USB1: variants seen among roughly 807,000 people sequenced by gnomAD.
USB1 encodes U6 snRNA biogenesis phosphodiesterase 1, also known as U6 snRNA phosphodiesterase 1.
A neutral mutation model predicts 29.9 loss-of-function variants in USB1; 21 were observed. The observed-to-expected ratio is 0.70, with a 90% CI of 0.50 to 1.01. USB1 has a LOEUF of 1.01. USB1 is among the 50% of genes least tolerant of loss of function. The pLI is 0.00. For missense variants in USB1, 330 were observed against 347.1 expected, an observed-to-expected ratio of 0.95 and a Z score of 0.39; for synonymous variants, 143 against 134.9, an observed-to-expected ratio of 1.06 and a Z score of -0.42.
intron 2 of USB1, among the ~76,000 whole-genome samples, 182 bp from the exon 3 acceptor site, chr16:58,009,747 A>G (rs1182786100): frequency 6.6e-6 from 1 of 151,180 alleles, no homozygotes; most frequent in Non-Finnish European, 1.5e-5. Context: ...ATAATAATAA[A>G]TAAATAAATA....
chr16:58,002,178 A>T (rs1205916828), intron 1 of USB1, among the ~76,000 whole-genome samples: 1 of 152,242 alleles, frequency 6.6e-6, no homozygotes, highest in Non-Finnish European at 1.5e-5. Context: ...GACTTGCCCA[A>T]GGTCATAGAG....
At chr16:58,016,932 G>GTAGAT in intron 4 of USB1, 5 of 309,438 alleles carry the variant, frequency 1.6e-5, no homozygotes, top group South Asian at 6.0e-5. Context: ...ATGCCTGAGT[G>GTAGAT]CTTGTGGGAG....
chr16:58,008,018 G>C (rs1963402675), intron 2 of USB1, among the ~76,000 whole-genome samples: 1 of 152,118 alleles, frequency 6.6e-6, no homozygotes, highest in Non-Finnish European at 1.5e-5. Flanking sequence ...TTGTTTAATA[G>C]ATTTAGGCCT....
intron 4 of USB1, chr16:58,016,421 G>C (rs1259564487): frequency 6.6e-6 from 1 of 152,514 alleles, no homozygotes; most frequent in Non-Finnish European, 1.5e-5. Flanking sequence ...ATATACAACT[G>C]GGTGTTCAGG....
chr16:58,013,833 C>A lies in USB1; in HGVS notation c.450-440C>A. The A allele has an allele frequency of 4.8e-6, 1 of 207,788 alleles. No individual in the cohort carries two copies. The highest frequency in any genetic ancestry group is 8.5e-5 in the South Asian group (1 of 11,808). 12.9% of individuals were successfully genotyped at this position (207,788 alleles called of 1,614,324 possible). ...ATTCGAGAAACAGAGTGTGCAAAGG[C>A]TTGAGCTCAGCCCTGACACACGAAG... On this transcript the variant is annotated intron_variant, in intron 3 of 6. Coordinates refer to ENST00000219281, the MANE Select transcript of USB1 (RefSeq NM_024598.4). This position sits in a 1 kb window ranked among gnomAD's most constrained non-coding sequence, Gnocchi z 4.3.
intron 2 of USB1, 142 bp from the exon 3 acceptor site, chr16:58,009,787 A>T: frequency 1.4e-6 from 1 of 716,306 alleles, no homozygotes; most frequent in Non-Finnish European, 2.5e-6. Context: ...ATATTAGAAG[A>T]CATAGACATA....
At chr16:58,014,127 A>T in intron 3 of USB1, 146 bp from the exon 4 acceptor site, 1 of 684,584 alleles carries the variant, frequency 1.5e-6, no homozygotes, top group Non-Finnish European at 2.6e-6. Flanking sequence ...TTTAAGGTTC[A>T]GTATACCACC....
At chr16:58,002,760 G>A in intron 2 of USB1, 115 bp downstream of exon 2, 1 of 1,409,128 alleles carries the variant, frequency 7.1e-7, no homozygotes. Context: ...AACACTGGTG[G>A]TGGGAAAGTC....
At position 58,001,497 on chromosome 16, in the gene USB1, C is replaced by T; in HGVS notation, c.14C>T (p.Pro5Leu). ...GGATGAGGCCCCATGAGCGCGGCGC[C>T]CCTGGTGGGCTACAGCAGCAGCGGC... is the stretch of plus-strand genomic sequence containing the variant. MSAA[P>L]LVGYSSSGSE... The change falls in exon 1 of 7, where the codon CCC becomes CTC. Residue 5 changes from proline to leucine, a missense_variant. Physicochemically the swap from Pro to Leu is moderately conservative, Grantham distance 98. Coordinates refer to ENST00000219281, the MANE Select transcript of USB1 (RefSeq NM_024598.4). 3.7e-6 allele frequency: 6 copies of T among 1,603,822 alleles called. No individual in the cohort carries two copies. Among genetic ancestry groups the T allele is most frequent in the Non-Finnish European group, 5.1e-6 (6 of 1,175,786 alleles).
At chr16:58,017,306 C>G in intron 4 of USB1, 28 bp from the exon 5 acceptor site, 1 of 1,600,654 alleles carries the variant, frequency 6.2e-7, no homozygotes, top group Non-Finnish European at 8.6e-7. Context: ...GGCTACATCT[C>G]ATGCCTGCGT....
intron 2 of USB1, among the ~76,000 whole-genome samples, chr16:58,007,522 C>A (rs1289515325): frequency 6.6e-6 from 1 of 151,980 alleles, no homozygotes; most frequent in African/African-American, 2.4e-5. Context: ...GCTGGGATTA[C>A]AGGCACCTAC....
rs1399315213 is a variant in USB1, at chr16:58,020,626, CTCT to C, written c.*384_*386del. 2 of 327,336 alleles carry C rather than the reference CTCT, an allele frequency of 6.1e-6. No individual in the cohort carries two copies. The highest frequency in any genetic ancestry group is 2.6e-5 in the South Asian group (1 of 38,948). 20.3% of individuals were successfully genotyped at this position (327,336 alleles called of 1,614,324 possible). On this transcript the variant is annotated 3_prime_UTR_variant, in exon 7 of 7. Coordinates refer to ENST00000219281, the MANE Select transcript of USB1 (RefSeq NM_024598.4). ...CCTCCTGTCTCTCCTCCCCTCCTCT[CTCT>C]TCCTCTCCTCTCTCTCTTCCTCTCC... is the stretch of plus-strand genomic sequence containing the variant.
rs1021085102 is a variant in USB1, at chr16:58,001,654, G to A, written c.98+73G>A. The A allele has an allele frequency of 2.7e-6, 4 of 1,497,010 alleles. No homozygotes were observed. The African/African-American group carries it at 5.5e-5, about 21-fold the overall frequency. The allele number at this position is 1,497,010 out of a possible 1,614,324, so 92.7% of individuals were successfully genotyped here. ...AGCCAGACGGGACCCGAATGTCTGGGGGTGGAGTGGGGAGGGAGGATGCGG... is the reference window on the plus strand; with the variant it reads ...AGCCAGACGGGACCCGAATGTCTGGAGGTGGAGTGGGGAGGGAGGATGCGG... On this transcript the variant is annotated intron_variant, in intron 1 of 6. Coordinates refer to ENST00000219281, the MANE Select transcript of USB1 (RefSeq NM_024598.4).
Position 58,020,856 on chromosome 16 carries a change from C to T in USB1, c.*611C>T. On this transcript the variant is annotated 3_prime_UTR_variant, in exon 7 of 7. Transcript: ENST00000219281. Reference sequence around the variant, plus strand: ...CTTCCCAGAAACTGCCAGTAGAGGGCAGCCTGGGCATCCTAATGCTTACTC... The same window carrying T: ...CTTCCCAGAAACTGCCAGTAGAGGGTAGCCTGGGCATCCTAATGCTTACTC... The T allele has an allele frequency of 6.0e-6, 1 of 167,202 alleles. No individual in the cohort carries two copies. Among genetic ancestry groups the T allele is most frequent in the Non-Finnish European group, 1.3e-5 (1 of 75,446 alleles). 10.4% of individuals were successfully genotyped at this position (167,202 alleles called of 1,614,324 possible).
At chr16:58,010,227 G>A in intron 3 of USB1, 115 bp downstream of exon 3, 2 of 1,308,600 alleles carry the variant, frequency 1.5e-6, no homozygotes, top group Non-Finnish European at 2.1e-6. Context: ...ATAGAACACG[G>A]CCCCTCTCCT....
chr16:58,012,299 A>T (rs1384505652), intron 3 of USB1: 1 of 1,535,490 alleles, frequency 6.5e-7, no homozygotes, highest in Non-Finnish European at 8.7e-7. Flanking sequence ...ATTGTATATT[A>T]TCAGGACTCT....
chr16:58,017,196 G>A, intron 4 of USB1, 138 bp from the exon 5 acceptor site: 1 of 764,634 alleles, frequency 1.3e-6, no homozygotes. Context: ...TCATGGAGCA[G>A]GAAAGCGAGT....
At chr16:58,009,048 T>C (rs1479596300) in intron 2 of USB1, among the ~76,000 whole-genome samples, 1 of 152,242 alleles carries the variant, frequency 6.6e-6, no homozygotes, top group African/African-American at 2.4e-5. Flanking sequence ...TAAGGGGTTC[T>C]GATGCTTACT....
intron 3 of USB1, chr16:58,012,013 G>A (rs1315000128): frequency 4.3e-6 from 5 of 1,168,262 alleles, no homozygotes; most frequent in Non-Finnish European, 5.3e-6. Flanking sequence ...ATGAGGTGTT[G>A]CACAAAAGCC....
Sources: gnomAD v4.1 joint callset for allele counts (sites outside exome capture counted in the v4.1 genomes callset) on GRCh38, gnomAD v4.1.1 for gene constraint, Gnocchi (gnomAD v3.1) non-coding constraint, MANE v1.5 for transcripts, NCBI Gene and HGNC (gene_info 2026-07-23, HGNC 2026-07-21) for gene names.